Variants in GRM8 observed in about 807,000 individuals in gnomAD.
GRM8 encodes metabotropic glutamate receptor 8.
A neutral mutation model predicts 87.2 loss-of-function variants in GRM8; 47 were observed. The ratio of observed to expected loss-of-function variants is 0.54; its 90% CI spans 0.43 to 0.69. The LOEUF (loss-of-function observed/expected upper bound fraction) is 0.69. GRM8 is among the 30% of genes least tolerant of loss of function. The pLI, the probability that GRM8 is intolerant of heterozygous loss-of-function variation, is 0.00. For synonymous variants in GRM8, 396 were observed against 404.5 expected, an observed-to-expected ratio of 0.98 and a Z score of 0.25; for missense variants, 1,019 against 1,139.2, an observed-to-expected ratio of 0.89 and a Z score of 1.52.
intron 7 of GRM8, among the ~76,000 whole-genome samples, chr7:126,705,862 C>G (rs890141623): frequency 6.6e-6 from 1 of 151,714 alleles, no homozygotes; most frequent in African/African-American, 2.4e-5. Flanking sequence ...ATTAAGAAAC[C>G]AAGAGTTTTT....
intron 6 of GRM8, among the ~76,000 whole-genome samples, chr7:126,781,928 C>G (rs1585909086): frequency 6.6e-6 from 1 of 152,030 alleles, no homozygotes; most frequent in Admixed American, 6.6e-5. Context: ...ATTTCCCAGG[C>G]TGGTTTTAAA....
chr7:127,083,864 A>G (rs1464952953), intron 3 of GRM8, among the ~76,000 whole-genome samples: 2 of 152,110 alleles, frequency 1.3e-5, no homozygotes. Flanking sequence ...TCAGTACAGA[A>G]TTTACCAACC....
chr7:127,056,164 C>G (rs1323607743), intron 3 of GRM8, among the ~76,000 whole-genome samples: 1 of 152,096 alleles, frequency 6.6e-6, no homozygotes, highest in Non-Finnish European at 1.5e-5. Context: ...ATATGTTGCT[C>G]TACATTATTC....
At position 126,486,499 on chromosome 7, in the gene GRM8, G is replaced by A. The variant is rs149221880; in HGVS notation, c.2431-40127C>T. Among the ~76,000 whole-genome samples, 20 of 152,116 alleles carry A rather than the reference G, an allele frequency of 1.3e-4. No homozygotes were observed. The East Asian group carries it at 3.9e-3, about 30-fold the overall frequency. On this transcript the variant is annotated intron_variant, in intron 9 of 10. Coordinates refer to ENST00000339582, the MANE Select transcript of GRM8 (RefSeq NM_000845.3). The stretch of plus-strand genomic sequence containing the variant: ...AAAGTGCCTTCTGGTTTCGCCTGAA[G>A]GTTACACTTCCCAGCCTGTCAGAAT...
chr7:126,539,012 A>C lies in GRM8; in HGVS notation c.1495-5125T>G, dbSNP rs372578479. On this transcript the variant is annotated intron_variant, in intron 8 of 10. Coordinates refer to ENST00000339582, the MANE Select transcript of GRM8 (RefSeq NM_000845.3). ...AGTGACCACAAAGAAAACAATATTT[A>C]TCTCTTCTTCAAAGTGGCCCGTGTC... 5.9e-5 allele frequency among the ~76,000 whole-genome samples: 9 copies of C among 152,164 alleles called. No homozygotes were observed. The East Asian group carries it at 1.3e-3, about 23-fold the overall frequency.
intron 9 of GRM8, among the ~76,000 whole-genome samples, chr7:126,517,970 T>C (rs542534705): frequency 3.9e-5 from 6 of 152,208 alleles, no homozygotes; most frequent in African/African-American, 1.4e-4. Context: ...TACTTTAAAG[T>C]GTTGGCTTTT....
chr7:126,457,179 G>T (rs912620435), intron 9 of GRM8, among the ~76,000 whole-genome samples: 6 of 151,436 alleles, frequency 4.0e-5, no homozygotes, highest in Non-Finnish European at 8.9e-5. Context: ...GGCAGGAAAT[G>T]ACTGATGCAT....
At chr7:126,599,600 T>C (rs1332512662) in intron 8 of GRM8, among the ~76,000 whole-genome samples, 1 of 152,080 alleles carries the variant, frequency 6.6e-6, no homozygotes, top group African/African-American at 2.4e-5. Flanking sequence ...CTATCAGGCA[T>C]CTAACTACTA....
intron 7 of GRM8, among the ~76,000 whole-genome samples, chr7:126,757,284 C>A (rs1259629547): frequency 6.6e-6 from 1 of 152,038 alleles, no homozygotes; most frequent in South Asian, 2.1e-4. Flanking sequence ...GACTTCTTGG[C>A]GAGGGTGTAA....
At chr7:127,198,264 C>T (rs1358109686) in intron 2 of GRM8, among the ~76,000 whole-genome samples, 1 of 152,162 alleles carries the variant, frequency 6.6e-6, no homozygotes, top group Non-Finnish European at 1.5e-5. Context: ...AAACTAATTT[C>T]CTTACTGTGC....
intron 6 of GRM8, among the ~76,000 whole-genome samples, chr7:126,818,905 C>A (rs957951297): frequency 1.3e-5 from 2 of 152,156 alleles, no homozygotes; most frequent in African/African-American, 4.8e-5. Flanking sequence ...TACAGGTATA[C>A]CTTGGAATAT....
At chr7:126,938,560 A>G (rs1469096562) in intron 3 of GRM8, among the ~76,000 whole-genome samples, 1 of 152,214 alleles carries the variant, frequency 6.6e-6, no homozygotes, top group African/African-American at 2.4e-5. Context: ...AGGTGGTTAT[A>G]AGATAAAGTA....
chr7:127,140,855 C>G (rs1311782761), intron 2 of GRM8, among the ~76,000 whole-genome samples: 1 of 151,768 alleles, frequency 6.6e-6, no homozygotes, highest in African/African-American at 2.4e-5. Context: ...CAGACAAAGT[C>G]TCCATTTATC....
At chr7:126,879,327 C>A (rs1322618225) in intron 6 of GRM8, among the ~76,000 whole-genome samples, 1 of 152,004 alleles carries the variant, frequency 6.6e-6, no homozygotes, top group African/African-American at 2.4e-5. Context: ...TTGCCCTAAC[C>A]CTATTAGGAT....
chr7:126,913,696 T>C (rs1265142490), intron 3 of GRM8, among the ~76,000 whole-genome samples: 1 of 152,206 alleles, frequency 6.6e-6, no homozygotes, highest in Non-Finnish European at 1.5e-5. Context: ...GGTCCTTTAG[T>C]GGTAGTTGAG....
At chr7:127,002,863 A>C (rs1397877450) in intron 3 of GRM8, among the ~76,000 whole-genome samples, 1 of 151,688 alleles carries the variant, frequency 6.6e-6, no homozygotes, top group East Asian at 1.9e-4. Context: ...TTCTCTAGTG[A>C]TCTTACAGGC....
At chr7:127,148,425 A>T (rs1304071371) in intron 2 of GRM8, among the ~76,000 whole-genome samples, 1 of 152,002 alleles carries the variant, frequency 6.6e-6, no homozygotes, top group Non-Finnish European at 1.5e-5. Context: ...GCAAAAAAAA[A>T]AAATAATAAG....
intron 8 of GRM8, among the ~76,000 whole-genome samples, chr7:126,552,135 C>T (rs1259262288): frequency 1.3e-5 from 2 of 152,106 alleles, no homozygotes; most frequent in Non-Finnish European, 1.5e-5. Flanking sequence ...TTTCAAATGC[C>T]TCGTCCGTTA....
At chr7:126,851,227 G>T (rs200011793) in intron 6 of GRM8, among the ~76,000 whole-genome samples, 1 of 151,980 alleles carries the variant, frequency 6.6e-6, no homozygotes, top group South Asian at 2.1e-4. Context: ...CTGCACTTAC[G>T]AAATGTACCC....
Sources: gnomAD v4.1 joint callset for allele counts (sites outside exome capture counted in the v4.1 genomes callset) on GRCh38, gnomAD v4.1.1 for gene constraint, MANE v1.5 for transcripts, NCBI Gene and HGNC (gene_info 2026-07-23, HGNC 2026-07-21) for gene names.